Variants in ELAVL2 observed in about 807,000 individuals in gnomAD.
ELAVL2 encodes the protein ELAV like RNA binding protein 2, also known as ELAV-like protein 2.
In ELAVL2, 4 loss-of-function variants were observed where a neutral mutation model predicts 34.6. That is an observed-to-expected ratio of 0.12 (90% CI 0.06 to 0.26). The LOEUF is 0.26. Ranked by LOEUF, ELAVL2 falls within the 10% of genes least tolerant of loss-of-function variation. The probability of loss-of-function intolerance (pLI) is 1.00; values close to 1 mark genes in which losing one functional copy is unlikely to be tolerated. For synonymous variants in ELAVL2, 193 were observed against 154.8 expected (o/e 1.25, Z -1.83); for missense variants, 432 against 442.8 (o/e 0.98, Z 0.22).
intron 1 of ELAVL2, among the ~76,000 whole-genome samples, chr9:23,795,624 A>T (rs1393538906): frequency 6.6e-6 from 1 of 152,218 alleles, no homozygotes; most frequent in Non-Finnish European, 1.5e-5. Flanking sequence ...TCATTGATAT[A>T]TAAAATGTCT....
intron 3 of ELAVL2, among the ~76,000 whole-genome samples, chr9:23,725,528 C>T (rs1449413216): frequency 6.6e-6 from 1 of 152,160 alleles, no homozygotes; most frequent in Non-Finnish European, 1.5e-5. Flanking sequence ...CATACCCTCT[C>T]CTCCTTCTTT....
At chr9:23,771,363 G>A (rs1342982242) in intron 1 of ELAVL2, among the ~76,000 whole-genome samples, 1 of 151,908 alleles carries the variant, frequency 6.6e-6, no homozygotes, top group Non-Finnish European at 1.5e-5. Context: ...AACACAAGAT[G>A]AATAAGCAAA....
At chr9:23,792,560 T>C (rs1025499869) in intron 1 of ELAVL2, among the ~76,000 whole-genome samples, 6 of 152,162 alleles carry the variant, frequency 3.9e-5, no homozygotes, top group Non-Finnish European at 8.8e-5. Context: ...AATGGCTAGC[T>C]TCAACTTCCC....
intron 2 of ELAVL2, chr9:23,735,703 GA>G (rs1181182091): frequency 6.6e-6 from 1 of 152,200 alleles, no homozygotes; most frequent in African/African-American, 2.4e-5. Context: ...ACATGCCACA[GA>G]AAAGAAACCC....
chr9:23,804,189 T>C (rs2061928122), intron 1 of ELAVL2, among the ~76,000 whole-genome samples: 1 of 151,904 alleles, frequency 6.6e-6, no homozygotes, highest in Non-Finnish European at 1.5e-5. Context: ...TTATTTTTTT[T>C]TTGAGACGGC....
intron 1 of ELAVL2, among the ~76,000 whole-genome samples, chr9:23,812,093 C>G (rs970386702): frequency 6.6e-6 from 1 of 152,058 alleles, no homozygotes; most frequent in African/African-American, 2.4e-5. Flanking sequence ...TCAGTTTCTA[C>G]TATTAAATGC....
intron 5 of ELAVL2, 40 bp downstream of exon 5, chr9:23,701,339 T>A: frequency 1.2e-6 from 2 of 1,601,946 alleles, no homozygotes; most frequent in East Asian, 2.2e-5. Context: ...GTATTCTCTT[T>A]CAGTTTAGTA....
chr9:23,692,542 G>A lies in ELAVL2; in HGVS notation c.*15C>T. On this transcript the variant is annotated 3_prime_UTR_variant, in exon 7 of 7. Transcript: ENST00000397312. ...TATAGTTTTCATATATAAATGGACT[G>A]AGGACAAGAGCTCATTAGGCTTTGT... is the stretch of plus-strand genomic sequence containing the variant. 1 of 1,603,092 alleles carries A rather than the reference G, an allele frequency of 6.2e-7. No homozygotes were observed. The highest frequency in any genetic ancestry group is 8.5e-7 in the Non-Finnish European group (1 of 1,172,934).
chr9:23,834,385 T>C, the ELAVL2 span, among the ~76,000 whole-genome samples: 43 of 151,982 alleles, frequency 2.8e-4, no homozygotes, highest in Admixed American at 2.6e-3. Context: ...TTCAGACACA[T>C]GGATTTGAAC....
intron 1 of ELAVL2, among the ~76,000 whole-genome samples, chr9:23,792,014 A>G (rs563931204): frequency 6.6e-6 from 1 of 152,286 alleles, no homozygotes; most frequent in South Asian, 2.1e-4. Context: ...GTTTGACTTA[A>G]CAGTTTCTAA....
chr9:23,691,350 T>A lies in ELAVL2; in HGVS notation c.*1207A>T, dbSNP rs907948848. On this transcript the variant is annotated 3_prime_UTR_variant, in exon 7 of 7. Coordinates refer to ENST00000397312, the MANE Select transcript of ELAVL2 (RefSeq NM_004432.5). ...TTAGCCTTGAACGTAACTTTCAAAA[T>A]ACCTTCAAATATATCCAACTCAGAT... 6.6e-6 allele frequency: 1 copy of A among 152,606 alleles called. No homozygotes were observed. Among genetic ancestry groups the A allele is most frequent in the African/African-American group, 2.4e-5 (1 of 41,456 alleles). 9.5% of individuals were successfully genotyped at this position (152,606 alleles called of 1,614,324 possible). A position where few individuals can be genotyped will look rare whatever the true frequency, so the allele number is the denominator to read the frequency against.
At chr9:23,739,061 A>G (rs967361220) in intron 2 of ELAVL2, among the ~76,000 whole-genome samples, 1 of 152,206 alleles carries the variant, frequency 6.6e-6, no homozygotes, top group Non-Finnish European at 1.5e-5. Context: ...ACAGCATATT[A>G]AATCCTCTAA....
chr9:23,777,603 CT>C (rs1178429453), intron 1 of ELAVL2, among the ~76,000 whole-genome samples: 7 of 152,062 alleles, frequency 4.6e-5, no homozygotes, highest in African/African-American at 1.2e-4. Flanking sequence ...ATTCTTTATT[CT>C]CCATTTCTAA....
chr9:23,763,691 C>T (rs962316327), intron 1 of ELAVL2, among the ~76,000 whole-genome samples: 2 of 152,034 alleles, frequency 1.3e-5, no homozygotes, highest in Admixed American at 6.6e-5. Flanking sequence ...ATCTCTACTG[C>T]CAGGAGATGT....
intron 2 of ELAVL2, among the ~76,000 whole-genome samples, chr9:23,747,350 T>A (rs952437616): frequency 6.6e-6 from 1 of 152,112 alleles, no homozygotes; most frequent in African/African-American, 2.4e-5. Flanking sequence ...ATTTTCCATT[T>A]AATATTTTAA....
chr9:23,795,447 A>G (rs2060803809), intron 1 of ELAVL2, among the ~76,000 whole-genome samples: 1 of 152,078 alleles, frequency 6.6e-6, no homozygotes, highest in African/African-American at 2.4e-5. Context: ...CGAGGCTGTG[A>G]CAGGAGAATC....
chr9:23,820,255 G>A (rs2064366104), intron 1 of ELAVL2, among the ~76,000 whole-genome samples: 2 of 152,314 alleles, frequency 1.3e-5, no homozygotes, highest in South Asian at 4.1e-4. Flanking sequence ...GGTTTTAAAT[G>A]GACTGATTCG....
At chr9:23,845,098 AT>A in the ELAVL2 span, among the ~76,000 whole-genome samples, 2 of 151,914 alleles carry the variant, frequency 1.3e-5, no homozygotes, top group Non-Finnish European at 2.9e-5. Context: ...ATACTCCTGG[AT>A]TTTTAGTTAG....
chr9:23,744,626 C>CT (rs900721163), intron 2 of ELAVL2, among the ~76,000 whole-genome samples: 1 of 151,914 alleles, frequency 6.6e-6, no homozygotes. Context: ...AGATTATAAA[C>CT]TTTATTTTTC....
Sources: gnomAD v4.1 joint callset for allele counts (sites outside exome capture counted in the v4.1 genomes callset) on GRCh38, gnomAD v4.1.1 for gene constraint, MANE v1.5 for transcripts, NCBI Gene and HGNC (gene_info 2026-07-23, HGNC 2026-07-21) for gene names.